OR2B2: variants seen among roughly 807,000 people sequenced by gnomAD.
OR2B2 encodes olfactory receptor family 2 subfamily B member 2, also known as olfactory receptor 2B2.
For synonymous variants in OR2B2, 137 were observed against 150.9 expected (o/e 0.91, Z 0.67); for missense variants, 362 against 422.4 (o/e 0.86, Z 1.25).
In OR2B2 at chr6:27,912,384, T is replaced by C. The variant is rs1270079101; in HGVS notation, c.-65A>G. 11 of 960,368 alleles carry C rather than the reference T, an allele frequency of 1.1e-5. No individual in the cohort carries two copies. The highest frequency in any genetic ancestry group is 2.4e-5 in the Admixed American group (1 of 40,956). The allele number at this position is 960,368 out of a possible 1,614,324, so 59.5% of individuals were successfully genotyped here. On this transcript the variant is annotated 5_prime_UTR_variant, in exon 1 of 1. Coordinates refer to ENST00000303324, the MANE Select transcript of OR2B2 (RefSeq NM_033057.2). ...GTCAGGAAGTTAACAACACACTTCCTGATTTTGTCAGCTATAATCATTTTG... is the reference window on the plus strand; with the variant it reads ...GTCAGGAAGTTAACAACACACTTCCCGATTTTGTCAGCTATAATCATTTTG...
At position 27,912,357 on chromosome 6, in the gene OR2B2, A is replaced by G; in HGVS notation, c.-38T>C. 1 of 1,305,102 alleles carries G rather than the reference A, an allele frequency of 7.7e-7. No individual in the cohort carries two copies. The highest frequency in any genetic ancestry group is 1.1e-6 in the Non-Finnish European group (1 of 943,056). The allele number at this position is 1,305,102 out of a possible 1,614,324, so 80.8% of individuals were successfully genotyped here. On this transcript the variant is annotated 5_prime_UTR_variant, in exon 1 of 1. Transcript: ENST00000303324. ...AACTCTTCGTTCTCTGAAATATAAG[A>G]AGTCAGGAAGTTAACAACACACTTC... is the stretch of plus-strand genomic sequence containing the variant.
At position 27,911,282 on chromosome 6, in the gene OR2B2, T is replaced by G; in HGVS notation, c.1038A>C (p.Glu346Asp). Residue 346 changes from glutamate to aspartate, a missense_variant, in exon 1 of 1, where the codon GAA becomes GAC. Glu to Asp is a conservative substitution (Grantham distance 45). Transcript: ENST00000303324. The part of the protein sequence containing the change: ...ASCPIFVITI[E>D]NYCNLPQRKF... Reference sequence around the variant, plus strand: ...TTCTTTGAGGGAGATTACAATAGTTTTCTATAGTAATGACAAAAATAGGAC... The same window carrying G: ...TTCTTTGAGGGAGATTACAATAGTTGTCTATAGTAATGACAAAAATAGGAC... 6.3e-7 allele frequency: 1 copy of G among 1,587,736 alleles called. No homozygotes were observed. The highest frequency in any genetic ancestry group is 1.2e-5 in the South Asian group (1 of 86,316).
rs117191676 is a variant in OR2B2, at chr6:27,911,670, G to A, written c.650C>T (p.Ser217Leu). The A allele has an allele frequency of 5.1e-4, 816 of 1,614,030 alleles. 17 individuals are homozygous for A. In the East Asian group the frequency reaches 0.015, roughly 30 times the overall value. ...LLIPVTLILI[S>L]YAFIVQAVLR... ...CACTGCTTGGACAATAAAAGCATAC[G>A]ATATAAGGATGAGTGTCACGGGTAT... Residue 217 changes from serine to leucine, a missense_variant, in exon 1 of 1, where the codon TCG becomes TTG. Coordinates refer to ENST00000303324, the MANE Select transcript of OR2B2 (RefSeq NM_033057.2).
In OR2B2 at chr6:27,911,572, G is replaced by T; in HGVS notation, c.748C>A (p.Leu250Ile). Residue 250 changes from leucine to isoleucine, a missense_variant, in exon 1 of 1, where the codon CTT (leucine) becomes ATT (isoleucine). Leu to Ile is a conservative substitution (Grantham distance 5). Coordinates refer to ENST00000303324, the MANE Select transcript of OR2B2 (RefSeq NM_033057.2). ...ATGGAGATAGCTGTACCATAAAAAAGTGACACCACAATTAGATGGGAGCCA... is the reference window on the plus strand; with the variant it reads ...ATGGAGATAGCTGTACCATAAAAAATTGACACCACAATTAGATGGGAGCCA... ...TCGSHLIVVS[L>I]FYGTAISMYL... 1 of 1,614,052 alleles carries T rather than the reference G, an allele frequency of 6.2e-7. No individual in the cohort carries two copies. Among genetic ancestry groups the T allele is most frequent in the African/African-American group, 1.3e-5 (1 of 75,034 alleles).
In OR2B2 at chr6:27,911,565, T is replaced by TA. The variant is rs1306053868; in HGVS notation, c.754dup (p.Tyr252LeufsTer42). On this transcript the variant is annotated frameshift_variant, in exon 1 of 1. Transcript: ENST00000303324. LOFTEE classifies it low-confidence loss of function (END_TRUNC). ...CAGGTACATGGAGATAGCTGTACCA[T>TA]AAAAAAGTGACACCACAATTAGATG... 1 of 1,613,738 alleles carries TA rather than the reference T, an allele frequency of 6.2e-7. No individual in the cohort carries two copies. Among genetic ancestry groups the TA allele is most frequent in the South Asian group, 1.1e-5 (1 of 90,996 alleles).
At position 27,911,556 on chromosome 6, in the gene OR2B2, G is replaced by A; in HGVS notation, c.764C>T (p.Ala255Val). 1 of 1,614,042 alleles carries A rather than the reference G, an allele frequency of 6.2e-7. No individual in the cohort carries two copies. ...AGGTGGTTGCAGGTACATGGAGATA[G>A]CTGTACCATAAAAAAGTGACACCAC... ...LIVVSLFYGT[A>V]ISMYLQPPSP... The change falls in exon 1 of 1, where the codon GCT becomes GTT. Residue 255 changes from alanine to valine, a missense_variant. Transcript: ENST00000303324.
chr6:27,912,378 A>C lies in OR2B2; in HGVS notation c.-59T>G. ...TAAGAAGTCAGGAAGTTAACAACAC[A>C]CTTCCTGATTTTGTCAGCTATAATC... On this transcript the variant is annotated 5_prime_UTR_variant, in exon 1 of 1. Coordinates refer to ENST00000303324, the MANE Select transcript of OR2B2 (RefSeq NM_033057.2). 1 of 1,043,572 alleles carries C rather than the reference A, an allele frequency of 9.6e-7. No homozygotes were observed. Among genetic ancestry groups the C allele is most frequent in the Non-Finnish European group, 1.4e-6 (1 of 711,814 alleles). The allele number at this position is 1,043,572 out of a possible 1,614,324, so 64.6% of individuals were successfully genotyped here.
chr6:27,911,988 T>G lies in OR2B2; in HGVS notation c.332A>C (p.Glu111Ala). 1 of 1,614,130 alleles carries G rather than the reference T, an allele frequency of 6.2e-7. No individual in the cohort carries two copies. The change falls in exon 1 of 1, where the codon GAA (glutamate) becomes GCA (alanine). Residue 111 changes from glutamate to alanine, a missense_variant. Transcript: ENST00000303324. ...GCACATGACGGCCAGGAGAAGACAT[T>G]CTGTGGAACCCAAGGCCAGGAAAAT... ...LFIFLALGST[E>A]CLLLAVMCFD...
Position 27,911,774 on chromosome 6 carries a change from A to T in OR2B2, c.546T>A (p.Pro182=). The T allele has an allele frequency of 6.2e-7, 1 of 1,613,976 alleles. No individual in the cohort carries two copies. The highest frequency in any genetic ancestry group is 2.2e-5 in the East Asian group (1 of 44,884). The part of the protein sequence containing the change: ...KEVDHFFCEV[P]ALLKLSCVDT... ...CAACACAGGACAACTTGAGCAGAGCAGGGACTTCACAGAAGAAGTGATCCA... is the reference window on the plus strand; with the variant it reads ...CAACACAGGACAACTTGAGCAGAGCTGGGACTTCACAGAAGAAGTGATCCA... Residue 182 remains proline (P), a synonymous_variant, in exon 1 of 1, where the codon CCT becomes CCA. Coordinates refer to ENST00000303324, the MANE Select transcript of OR2B2 (RefSeq NM_033057.2).
rs763599197 is a variant in OR2B2, at chr6:27,911,789, G to A, written c.531C>T (p.Phe177=). The part of the protein sequence containing the change: ...PLCGHKEVDH[F]FCEVPALLKL... Reference sequence around the variant, plus strand: ...TGAGCAGAGCAGGGACTTCACAGAAGAAGTGATCCACTTCTTTGTGACCAC... The same window carrying A: ...TGAGCAGAGCAGGGACTTCACAGAAAAAGTGATCCACTTCTTTGTGACCAC... Residue 177 remains phenylalanine, a synonymous_variant, in exon 1 of 1, where the codon TTC becomes TTT. Coordinates refer to ENST00000303324, the MANE Select transcript of OR2B2 (RefSeq NM_033057.2). 9 of 1,614,124 alleles carry A rather than the reference G, an allele frequency of 5.6e-6. No homozygotes were observed. The highest frequency in any genetic ancestry group is 1.6e-4 in the Middle Eastern group (1 of 6,062).
rs1166086722 is a variant in OR2B2 at position 27,912,031 on chromosome 6, A to G, written c.289T>C (p.Cys97Arg). The G allele has an allele frequency of 3.1e-6, 5 of 1,614,254 alleles. No homozygotes were observed. The South Asian group carries it at 3.3e-5, about 11-fold the overall frequency. ...NTRKVISYGG[C>R]VAQLFIFLAL... is the part of the protein sequence containing the mutation. ...AGGAAAATGAAAAGCTGGGCCACACAGCCACCATAACTGATTACTTTCCTG... is the reference window on the plus strand; with the variant it reads ...AGGAAAATGAAAAGCTGGGCCACACGGCCACCATAACTGATTACTTTCCTG... Residue 97 changes from cysteine (C) to arginine (R), a missense_variant, in exon 1 of 1, where the codon TGT becomes CGT. Cys to Arg is a radical substitution (Grantham distance 180). Transcript: ENST00000303324.
Position 27,911,943 on chromosome 6 carries a change from A to G in OR2B2, c.377T>C (p.Ile126Thr), listed in dbSNP as rs779244971. ...AATTGAGTAATGGAGAGGCCGACAA[A>G]TAGCTACAAACCTATCAAAGCACAT... Reference protein sequence around the residue: ...AVMCFDRFVAICRPLHYSIIM... With the variant: ...AVMCFDRFVATCRPLHYSIIM... Residue 126 changes from isoleucine (I) to threonine (T), a missense_variant, in exon 1 of 1, where the codon ATT becomes ACT. By Grantham distance (89) the Ile-to-Thr change is moderately conservative (BLOSUM62 -1). Coordinates refer to ENST00000303324, the MANE Select transcript of OR2B2 (RefSeq NM_033057.2). 2 of 1,614,182 alleles carry G rather than the reference A, an allele frequency of 1.2e-6. No individual in the cohort carries two copies. The highest frequency in any genetic ancestry group is 2.2e-5 in the South Asian group (2 of 91,080).
Position 27,912,150 on chromosome 6 carries a change from G to T in OR2B2, c.170C>A (p.Thr57Asn). 6.2e-7 allele frequency: 1 copy of T among 1,614,194 alleles called. No homozygotes were observed. Among genetic ancestry groups the T allele is most frequent in the Non-Finnish European group, 8.5e-7 (1 of 1,180,036 alleles). ...LVSHVDFKLH[T>N]PMYFFLSNLS... ...ATTGCTAAGAAAAAAGTACATAGGG[G>T]TGTGGAGTTTGAAATCCACATGTGA... The change falls in exon 1 of 1, where the codon ACC becomes AAC. Residue 57 changes from threonine to asparagine, a missense_variant. Coordinates refer to ENST00000303324, the MANE Select transcript of OR2B2 (RefSeq NM_033057.2).
chr6:27,912,138 A>G lies in OR2B2; in HGVS notation c.182T>C (p.Phe61Ser). ...VDFKLHTPMYFFLSNLSLLDL... is the reference protein window; with the variant it reads ...VDFKLHTPMYSFLSNLSLLDL... ...CAGGAGTGAGAGATTGCTAAGAAAAAAGTACATAGGGGTGTGGAGTTTGAA... is the reference window on the plus strand; with the variant it reads ...CAGGAGTGAGAGATTGCTAAGAAAAGAGTACATAGGGGTGTGGAGTTTGAA... Residue 61 changes from phenylalanine (F) to serine (S), a missense_variant, in exon 1 of 1, where the codon TTT becomes TCT. Transcript: ENST00000303324. 6.2e-7 allele frequency: 1 copy of G among 1,614,216 alleles called. No homozygotes were observed. The highest frequency in any genetic ancestry group is 2.2e-5 in the East Asian group (1 of 44,890).
Position 27,912,306 on chromosome 6 carries a change from T to C in OR2B2, c.14A>G (p.Asn5Ser), listed in dbSNP as rs1762210410. 6 of 1,592,498 alleles carry C rather than the reference T, an allele frequency of 3.8e-6. No homozygotes were observed. Among genetic ancestry groups the C allele is most frequent in the Middle Eastern group, 1.7e-4 (1 of 5,964 alleles). Residue 5 changes from asparagine to serine, a missense_variant, in exon 1 of 1, where the codon AAT becomes AGT. Physicochemically the swap from Asn to Ser is conservative, Grantham distance 46. Transcript: ENST00000303324. MNWV[N>S]KSVPQEFILL... is the part of the protein sequence containing the mutation. ...AATGAACTCCTGTGGGACACTCTTA[T>C]TTACCCAATTCATGTTAAATGGTTC... is the stretch of plus-strand genomic sequence containing the variant.
Position 27,912,309 on chromosome 6 carries a change from AC to A in OR2B2, c.10del (p.Val4Ter). 6.3e-7 allele frequency: 1 copy of A among 1,586,762 alleles called. No homozygotes were observed. ...GAACTCCTGTGGGACACTCTTATTT[AC>A]CCAATTCATGTTAAATGGTTCAACT... MNWVNKSVPQEFIL... is the reference protein window; with the variant it reads MNWXNKSVPQEFIL... On this transcript the variant is annotated frameshift_variant, in exon 1 of 1. Coordinates refer to ENST00000303324, the MANE Select transcript of OR2B2 (RefSeq NM_033057.2). LOFTEE classifies it low-confidence loss of function (END_TRUNC).
rs1762192991 is a variant in OR2B2 at position 27,911,396 on chromosome 6, A to T, written c.924T>A (p.Ser308Arg). 7 of 1,613,758 alleles carry T rather than the reference A, an allele frequency of 4.3e-6. No individual in the cohort carries two copies. The highest frequency in any genetic ancestry group is 5.1e-6 in the Non-Finnish European group (6 of 1,179,926). ...KEAFKRLVAK[S>R]LLNQEIRNMQ... ...TATTTCTTATTTCTTGATTAAGAAG[A>T]CTCTTTGCAACCAACCTTTTAAAGG... The change falls in exon 1 of 1, where the codon AGT becomes AGA. Residue 308 changes from serine (S) to arginine (R), a missense_variant. Transcript: ENST00000303324.
chr6:27,911,225 A>G lies in OR2B2; in HGVS notation c.*21T>C. 6.9e-7 allele frequency: 1 copy of G among 1,442,128 alleles called. No individual in the cohort carries two copies. The allele number at this position is 1,442,128 out of a possible 1,614,324, so 89.3% of individuals were successfully genotyped here. Reference sequence around the variant, plus strand: ...TGTTCAATGAAAATGTTTAGGCAACAGAAACAAATATAGCTTTTTGTCAAG... The same window carrying G: ...TGTTCAATGAAAATGTTTAGGCAACGGAAACAAATATAGCTTTTTGTCAAG... On this transcript the variant is annotated 3_prime_UTR_variant, in exon 1 of 1. Transcript: ENST00000303324.
rs780996188 is a variant in OR2B2, at chr6:27,911,669, C to G, written c.651G>C (p.Ser217=). 6.2e-7 allele frequency: 1 copy of G among 1,613,884 alleles called. No homozygotes were observed. The highest frequency in any genetic ancestry group is 8.5e-7 in the Non-Finnish European group (1 of 1,179,960). Residue 217 remains serine, a synonymous_variant, in exon 1 of 1, where the codon TCG becomes TCC. Transcript: ENST00000303324. ...ACACTGCTTGGACAATAAAAGCATA[C>G]GATATAAGGATGAGTGTCACGGGTA... ...LLIPVTLILI[S]YAFIVQAVLR...
Sources: gnomAD v4.1 joint callset for allele counts on GRCh38, gnomAD v4.1.1 for gene constraint, MANE v1.5 for transcripts, NCBI Gene and HGNC (gene_info 2026-07-23, HGNC 2026-07-21) for gene names.